Variants in PCDHA1 observed in about 807,000 individuals in gnomAD.
PCDHA1 encodes the protein protocadherin alpha 1.
Under a neutral mutation model 61.3 loss-of-function variants are expected in PCDHA1, and 42 were observed. The ratio of observed to expected loss-of-function variants is 0.69; its 90% CI spans 0.54 to 0.89. The LOEUF (loss-of-function observed/expected upper bound fraction) is 0.89. PCDHA1 is among the 40% of genes least tolerant of loss of function. The pLI, the probability that PCDHA1 is intolerant of heterozygous loss-of-function variation, is 0.00. For synonymous variants in PCDHA1, 610 were observed against 553.8 expected, an observed-to-expected ratio of 1.10 and a Z score of -1.43; for missense variants, 1,256 against 1,235.3, an observed-to-expected ratio of 1.02 and a Z score of -0.25.
chr5:140,928,860 G>T, intron 1 of PCDHA1: 8 of 1,614,154 alleles, frequency 5.0e-6, no homozygotes, highest in Non-Finnish European at 6.8e-6. Flanking sequence ...GTGTGCTGTT[G>T]AGCAACTCTG....
At position 140,786,341 on chromosome 5, in the gene PCDHA1, G is replaced by T. The variant is rs552900598; in HGVS notation, c.51G>T (p.Trp17Cys). 33 of 1,613,702 alleles carry T rather than the reference G, an allele frequency of 2.0e-5. 1 individual carries two copies. In the Admixed American group the frequency reaches 4.7e-4, roughly 23 times the overall value. The change falls in exon 1 of 4, where the codon TGG becomes TGT. Residue 17 changes from tryptophan to cysteine, a missense_variant. Coordinates refer to ENST00000504120, the MANE Select transcript of PCDHA1 (RefSeq NM_018900.4). ...TGGGAGCCCGGGATCTGCTTCTTTG[G>T]CTTCTGCTCCTCGCAGCCTGGGAGG... ...GGLGARDLLL[W>C]LLLLAAWEVG...
chr5:140,922,434 C>T (rs1167616099), intron 1 of PCDHA1, among the ~76,000 whole-genome samples: 1 of 152,180 alleles, frequency 6.6e-6, no homozygotes, highest in Admixed American at 6.5e-5. Flanking sequence ...GAGGGCAGAA[C>T]TCTCTCATTA....
At chr5:140,805,479 G>C in intron 1 of PCDHA1, 1 of 998,068 alleles carries the variant, frequency 1.0e-6, no homozygotes, top group Non-Finnish European at 1.2e-6. Flanking sequence ...TCAATAGAGA[G>C]GGAGCGTAAA....
chr5:140,881,318 C>G (rs970806128), intron 1 of PCDHA1: 20 of 977,252 alleles, frequency 2.0e-5, no homozygotes, highest in East Asian at 2.3e-4. Context: ...TGGTTAAATT[C>G]TATTTAACCA....
intron 1 of PCDHA1, chr5:140,796,034 T>G (rs1421469626): frequency 1.2e-6 from 2 of 1,614,206 alleles, no homozygotes; most frequent in Non-Finnish European, 1.7e-6. Context: ...TCTCTCTCAC[T>G]TCCCATCTCA....
chr5:140,822,378 A>T, intron 1 of PCDHA1: 1 of 1,614,170 alleles, frequency 6.2e-7, no homozygotes, highest in Non-Finnish European at 8.5e-7. Flanking sequence ...CCTTAGATAG[A>T]GAAGAAACAC....
chr5:140,896,847 A>G (rs892276664), intron 1 of PCDHA1, among the ~76,000 whole-genome samples: 5 of 152,064 alleles, frequency 3.3e-5, no homozygotes, highest in African/African-American at 4.8e-5. Flanking sequence ...TTTTAATTTT[A>G]TGGGTACATA....
chr5:140,871,519 A>G, intron 1 of PCDHA1: 1 of 1,554,010 alleles, frequency 6.4e-7, no homozygotes, highest in East Asian at 2.3e-5. Flanking sequence ...GATTCCACCT[A>G]TCAGGAAGTG....
chr5:141,007,395 CAAAAAAAAAAAAAAAA>C (rs35800918), intron 3 of PCDHA1, among the ~76,000 whole-genome samples: 1 of 94,866 alleles, frequency 1.1e-5, no homozygotes. Context: ...TACTAAAATA[CAAAAAAAAAAAAAAAA>C]AAAAAAATTA....
intron 1 of PCDHA1, chr5:140,797,141 C>T (rs1554120307): frequency 1.2e-6 from 2 of 1,613,998 alleles, no homozygotes. Context: ...TGCTCGGTGC[C>T]ACCCACCGAG....
intron 1 of PCDHA1, among the ~76,000 whole-genome samples, chr5:140,914,730 C>T (rs2076816445): frequency 6.6e-6 from 1 of 151,438 alleles, no homozygotes; most frequent in Non-Finnish European, 1.5e-5. Context: ...TTTTGTGTAT[C>T]CATTGTATGT....
At chr5:140,797,744 A>C (rs1293314193) in intron 1 of PCDHA1, among the ~76,000 whole-genome samples, 1 of 152,226 alleles carries the variant, frequency 6.6e-6, no homozygotes, top group Non-Finnish European at 1.5e-5. Flanking sequence ...CTGTCTATCC[A>C]ATCTGTCGGA....
chr5:140,968,057 C>G, intron 1 of PCDHA1: 1 of 1,614,110 alleles, frequency 6.2e-7, no homozygotes, highest in African/African-American at 1.3e-5. Flanking sequence ...GGACCGAGAG[C>G]GGGTGGCTGT....
At chr5:140,921,981 A>G (rs2080540156) in intron 1 of PCDHA1, among the ~76,000 whole-genome samples, 1 of 152,092 alleles carries the variant, frequency 6.6e-6, no homozygotes, top group Non-Finnish European at 1.5e-5. Flanking sequence ...AAATAGAACT[A>G]AAAAAGAGTT....
chr5:140,869,933 T>A, intron 1 of PCDHA1: 1 of 1,611,316 alleles, frequency 6.2e-7, no homozygotes, highest in Non-Finnish European at 8.5e-7. Context: ...AATGGAGAGG[T>A]AACATACTCC....
At chr5:140,829,449 C>T (rs2150168143) in intron 1 of PCDHA1, 10 of 1,613,808 alleles carry the variant, frequency 6.2e-6, no homozygotes, top group African/African-American at 5.3e-5. Context: ...GACAATGCTC[C>T]GGCGTTCGCG....
At chr5:140,967,233 A>G in intron 1 of PCDHA1, 1 of 1,613,728 alleles carries the variant, frequency 6.2e-7, no homozygotes, top group South Asian at 1.1e-5. Context: ...TACCAGCTTC[A>G]GGTAAGCGAA....
chr5:140,918,406 G>A (rs1382905411), intron 1 of PCDHA1, among the ~76,000 whole-genome samples: 2 of 152,076 alleles, frequency 1.3e-5, no homozygotes, highest in Non-Finnish European at 2.9e-5. Context: ...GATTTCTCTG[G>A]CCAGGACTTC....
In PCDHA1 at chr5:141,010,527, G is replaced by T; in HGVS notation, c.*590G>T. On this transcript the variant is annotated 3_prime_UTR_variant, in exon 4 of 4. Transcript: ENST00000504120. ...AAATCTTACAACTCAAGAGGTGGCA[G>T]CCACCCTCTAGGAGACAAAACTACC... The T allele has an allele frequency of 2.3e-6, 1 of 431,062 alleles. No homozygotes were observed. Among genetic ancestry groups the T allele is most frequent in the African/African-American group, 2.0e-5 (1 of 49,970 alleles). 26.7% of individuals were successfully genotyped at this position (431,062 alleles called of 1,614,324 possible).
Sources: gnomAD v4.1 joint callset for allele counts (sites outside exome capture counted in the v4.1 genomes callset) on GRCh38, gnomAD v4.1.1 for gene constraint, MANE v1.5 for transcripts, NCBI Gene and HGNC (gene_info 2026-07-23, HGNC 2026-07-21) for gene names.